The following UGT2B17 variants were observed in gnomAD, a reference collection of about 807,000 sequenced individuals.
The protein encoded by UGT2B17 is UDP-glucuronosyltransferase 2B17.
Under a neutral mutation model 48.2 loss-of-function variants are expected in UGT2B17, and 21 were observed. That is an observed-to-expected ratio of 0.44 (90% CI 0.31 to 0.63). The LOEUF (loss-of-function observed/expected upper bound fraction) is 0.63. Ranked by LOEUF, UGT2B17 falls within the 20% of genes least tolerant of loss-of-function variation. The probability of loss-of-function intolerance (pLI) is 0.08; values close to 1 mark genes in which losing one functional copy is unlikely to be tolerated. For synonymous variants in UGT2B17, 146 were observed against 238.4 expected, an observed-to-expected ratio of 0.61 and a Z score of 3.57; for missense variants, 402 against 696.1, an observed-to-expected ratio of 0.58 and a Z score of 4.75.
At chr4:68,554,597 T>A (rs1287535143) in intron 4 of UGT2B17, among the ~76,000 whole-genome samples, 1 of 125,576 alleles carries the variant, frequency 8.0e-6, no homozygotes, top group Admixed American at 8.2e-5. Flanking sequence ...TTTGTGTGTG[T>A]GTAAGTGTTT....
chr4:68,541,794 T>G lies in UGT2B17; in HGVS notation c.1314-3890A>C, dbSNP rs1730662116. On this transcript the variant is annotated intron_variant, in intron 6 of 6. Coordinates refer to ENST00000317746, the MANE Select transcript of UGT2B17 (RefSeq NM_001077.4). ...TGGTTTTGGGTTTTACATTTAAGTC[T>G]TTAATCCATCTTGAGTTAATTTTTG... Among the ~76,000 whole-genome samples the G allele has an allele frequency of 2.4e-5, 3 of 127,266 alleles. 1 individual carries two copies. In the Admixed American group the frequency reaches 2.4e-4, roughly 10 times the overall value. 83.5% of individuals were successfully genotyped at this position (127,266 alleles called of 152,430 possible).
At chr4:68,572,586 G>A (rs900443538) in intron 1 of UGT2B17, among the ~76,000 whole-genome samples, 3 of 126,310 alleles carry the variant, frequency 2.4e-5, no homozygotes, top group African/African-American at 5.4e-5. Flanking sequence ...TTATGAGGGC[G>A]TGATCATGGA....
intron 6 of UGT2B17, among the ~76,000 whole-genome samples, chr4:68,542,937 G>T (rs1326686078): frequency 7.9e-6 from 1 of 126,542 alleles, no homozygotes; most frequent in African/African-American, 2.7e-5. Flanking sequence ...TAAACAAAGC[G>T]GCCCAGAAGC....
At chr4:68,551,678 C>T in intron 5 of UGT2B17, 146 bp downstream of exon 5, 1 of 555,266 alleles carries the variant, frequency 1.8e-6, no homozygotes, top group African/African-American at 2.0e-5. Context: ...TATACTAAGA[C>T]TAGAAAATAA....
intron 4 of UGT2B17, among the ~76,000 whole-genome samples, chr4:68,554,880 T>A (rs1457494646): frequency 1.6e-5 from 2 of 125,468 alleles, no homozygotes; most frequent in Non-Finnish European, 3.4e-5. Flanking sequence ...AAGAGGAGTT[T>A]TTATAAACCT....
At position 68,550,890 on chromosome 4, in the gene UGT2B17, G is replaced by A. The variant is rs1730903325; in HGVS notation, c.1100C>T (p.Pro367Leu). The A allele has an allele frequency of 7.3e-7, 1 of 1,369,130 alleles. No homozygotes were observed. Among genetic ancestry groups the A allele is most frequent in the South Asian group, 1.7e-5 (1 of 58,184 alleles). The allele number at this position is 1,369,130 out of a possible 1,614,324, so 84.8% of individuals were successfully genotyped here. Residue 367 changes from proline to leucine, a missense_variant, in exon 6 of 7, where the codon CCC (proline) becomes CTC (leucine). Physicochemically the swap from Pro to Leu is moderately conservative, Grantham distance 98 (BLOSUM62 -3). Coordinates refer to ENST00000317746, the MANE Select transcript of UGT2B17 (RefSeq NM_001077.4). ...ATGAGTTATAAAAGCTTTGGTTTTG[G>A]GATGACCTAAAAGTGGATGCATTTT... ...WLPQNDLLGHPKTKAFITHGG... is the reference protein window; with the variant it reads ...WLPQNDLLGHLKTKAFITHGG...
At chr4:68,566,565 C>A (rs1369173156) in intron 2 of UGT2B17, among the ~76,000 whole-genome samples, 1 of 127,654 alleles carries the variant, frequency 7.8e-6, no homozygotes, top group African/African-American at 2.8e-5. Flanking sequence ...CCTGCTTGCA[C>A]TTCTCTCTCC....
chr4:68,572,181 C>G lies in UGT2B17; in HGVS notation c.-64-3633G>C, dbSNP rs1161081647. ...CTTATTTTTTTTACTGTGTAACTTT[C>G]TTTTTTAATTTAGAGAATCACATCC... On this transcript the variant is annotated intron_variant, in intron 1 of 6. Transcript: ENST00000317746. Among the ~76,000 whole-genome samples, 3 of 125,642 alleles carry G rather than the reference C, an allele frequency of 2.4e-5. 1 individual carries two copies. The highest frequency in any genetic ancestry group is 5.0e-5 in the Non-Finnish European group (3 of 59,448). 82.4% of individuals were successfully genotyped at this position (125,642 alleles called of 152,430 possible).
At chr4:68,558,260 A>G (rs1182456186) in intron 4 of UGT2B17, among the ~76,000 whole-genome samples, 1 of 124,456 alleles carries the variant, frequency 8.0e-6, no homozygotes, top group Non-Finnish European at 1.7e-5. Flanking sequence ...AGTCTTGCCT[A>G]ATGTTTTTCA....
rs1271119435 is a variant in UGT2B17 at position 68,565,527 on chromosome 4, C to T, written c.873+45G>A. The T allele has an allele frequency of 3.0e-5, 39 of 1,318,208 alleles. 9 individuals carry two copies. Among genetic ancestry groups the T allele is most frequent in the Non-Finnish European group, 3.5e-5 (36 of 1,019,324 alleles). The allele number at this position is 1,318,208 out of a possible 1,614,324, so 81.7% of individuals were successfully genotyped here. On this transcript the variant is annotated intron_variant, in intron 3 of 6. Transcript: ENST00000317746. ...CTGAAAGAAACATATCCAGCCATTC[C>T]TTCTGAAAATGTCAAGCAAACAAAT... is the stretch of plus-strand genomic sequence containing the variant.
At chr4:68,561,985 G>C (rs1197924170) in intron 3 of UGT2B17, among the ~76,000 whole-genome samples, 1 of 123,510 alleles carries the variant, frequency 8.1e-6, no homozygotes, top group African/African-American at 2.7e-5. Context: ...CTAATCATTG[G>C]GGGAAATTTC....
chr4:68,546,065 C>A lies in UGT2B17; in HGVS notation c.1313+4612G>T, dbSNP rs549952466. Among the ~76,000 whole-genome samples, 317 of 126,328 alleles carry A rather than the reference C, an allele frequency of 2.5e-3. 60 individuals carry two copies. The highest frequency in any genetic ancestry group is 8.3e-3 in the African/African-American group (307 of 36,972). 82.9% of individuals were successfully genotyped at this position (126,328 alleles called of 152,430 possible). Reference sequence around the variant, plus strand: ...CAGAAAAAGAGGGAATCCTCCCTAACTCATTTTATGAGGCCAACATCATCC... The same window carrying A: ...CAGAAAAAGAGGGAATCCTCCCTAAATCATTTTATGAGGCCAACATCATCC... On this transcript the variant is annotated intron_variant, in intron 6 of 6. Coordinates refer to ENST00000317746, the MANE Select transcript of UGT2B17 (RefSeq NM_001077.4).
intron 1 of UGT2B17, among the ~76,000 whole-genome samples, chr4:68,573,721 C>A (rs1297258474): frequency 7.9e-6 from 1 of 126,372 alleles, no homozygotes; most frequent in African/African-American, 2.7e-5. Context: ...AAAGGTCCAC[C>A]ACAATACTAC....
At chr4:68,552,462 G>A (rs1209283330) in intron 4 of UGT2B17, among the ~76,000 whole-genome samples, 1 of 126,072 alleles carries the variant, frequency 7.9e-6, no homozygotes, top group Non-Finnish European at 1.7e-5. Flanking sequence ...GTTGATTGAT[G>A]TCTCATGTAT....
chr4:68,564,407 G>T (rs1396653795), intron 3 of UGT2B17, among the ~76,000 whole-genome samples: 1 of 118,680 alleles, frequency 8.4e-6, no homozygotes, highest in Non-Finnish European at 1.7e-5. Flanking sequence ...TCCTGCCTCA[G>T]CTTCCCGAGT....
chr4:68,572,735 G>C (rs1472618284), intron 1 of UGT2B17, among the ~76,000 whole-genome samples: 2 of 126,974 alleles, frequency 1.6e-5, no homozygotes, highest in Non-Finnish European at 3.3e-5. Context: ...GTCTGAGGAA[G>C]GTCAGTTGAA....
intron 6 of UGT2B17, among the ~76,000 whole-genome samples, chr4:68,547,343 A>C (rs1303320003): frequency 7.9e-6 from 1 of 126,940 alleles, no homozygotes; most frequent in Non-Finnish European, 1.7e-5. Context: ...CCTATTTAAT[A>C]AATGGTGCTA....
At position 68,552,120 on chromosome 4, in the gene UGT2B17, TA is replaced by T. The variant is rs551052088; in HGVS notation, c.1006-210del. ...TTACTTTTATAATCAATTTGGTATA[TA>T]AAAAAATGACATTTCTAACTTAATA... is the stretch of plus-strand genomic sequence containing the variant. On this transcript the variant is annotated intron_variant, in intron 4 of 6. Coordinates refer to ENST00000317746, the MANE Select transcript of UGT2B17 (RefSeq NM_001077.4). Among the ~76,000 whole-genome samples the T allele has an allele frequency of 3.5e-4, 44 of 126,246 alleles. 10 individuals carry two copies. Among genetic ancestry groups the T allele is most frequent in the African/African-American group, 1.1e-3 (41 of 37,042 alleles). 82.8% of individuals were successfully genotyped at this position (126,246 alleles called of 152,430 possible). A position where few individuals can be genotyped will look rare whatever the true frequency, so the allele number is the denominator to read the frequency against.
At position 68,562,615 on chromosome 4, in the gene UGT2B17, C is replaced by T. The variant is rs1257715903; in HGVS notation, c.874-1947G>A. ...TCGTCTGTTTATAGACAGATCAGCA[C>T]TGATCTCATTCTGTGACGTCTTTAT... On this transcript the variant is annotated intron_variant, in intron 3 of 6. Coordinates refer to ENST00000317746, the MANE Select transcript of UGT2B17 (RefSeq NM_001077.4). Among the ~76,000 whole-genome samples, 2 of 126,062 alleles carry T rather than the reference C, an allele frequency of 1.6e-5. 1 individual carries two copies. The highest frequency in any genetic ancestry group is 5.4e-5 in the African/African-American group (2 of 36,906). The allele number at this position is 126,062 out of a possible 152,430, so 82.7% of individuals were successfully genotyped here. A position where few individuals can be genotyped will look rare whatever the true frequency, so the allele number is the denominator to read the frequency against.
Sources: gnomAD v4.1 joint callset for allele counts (sites outside exome capture counted in the v4.1 genomes callset) on GRCh38, gnomAD v4.1.1 for gene constraint, MANE v1.5 for transcripts, NCBI Gene and HGNC (gene_info 2026-07-23, HGNC 2026-07-21) for gene names.